The following CEP41 variants were observed in gnomAD, a reference collection of about 807,000 sequenced individuals.
CEP41 encodes the protein centrosomal protein 41.
Under a neutral mutation model 44.3 loss-of-function variants are expected in CEP41, and 32 were observed. The observed-to-expected ratio is 0.72, with a 90% CI of 0.54 to 0.97. The LOEUF (loss-of-function observed/expected upper bound fraction) is 0.97. CEP41 is among the 50% of genes least tolerant of loss of function. The pLI is 0.00. For missense variants in CEP41, 432 were observed against 455.2 expected, an observed-to-expected ratio of 0.95 and a Z score of 0.46; for synonymous variants, 151 against 168.5, an observed-to-expected ratio of 0.90 and a Z score of 0.80.
intron 2 of CEP41, chr7:130,421,366 T>C (rs1361024323): frequency 4.1e-6 from 4 of 985,332 alleles, no homozygotes; most frequent in Non-Finnish European, 4.8e-6. Flanking sequence ...TATGGAGAAG[T>C]TCTCTTGGCT....
intron 5 of CEP41, chr7:130,410,765 T>A: frequency 2.9e-6 from 1 of 344,858 alleles, no homozygotes; most frequent in East Asian, 6.9e-5. Flanking sequence ...CATGCACACA[T>A]GTGACTGTCA....
At chr7:130,437,773 AAAAAAAAAAAAAAAAGAAAAAG>A (rs1450921448) in intron 1 of CEP41, among the ~76,000 whole-genome samples, 7 of 126,718 alleles carry the variant, frequency 5.5e-5, no homozygotes, top group African/African-American at 1.6e-4. Flanking sequence ...TCAAAAAAAA[AAAAAAAAAAAAAAAAGAAAAAG>A]AAAAAAAAAG....
intron 1 of CEP41, among the ~76,000 whole-genome samples, chr7:130,438,241 C>G (rs1464844921): frequency 6.6e-6 from 1 of 152,178 alleles, no homozygotes; most frequent in Admixed American, 6.5e-5. Flanking sequence ...AGTTCAATGG[C>G]CTTAGTTTAG....
At chr7:130,412,437 C>T (rs1797211932) in intron 3 of CEP41, among the ~76,000 whole-genome samples, 197 bp from the exon 4 acceptor site, 1 of 152,190 alleles carries the variant, frequency 6.6e-6, no homozygotes, top group Non-Finnish European at 1.5e-5. Context: ...TTTGCTTTGT[C>T]ATTAGGAAGC....
chr7:130,432,424 T>C (rs1395066657), intron 1 of CEP41, among the ~76,000 whole-genome samples: 4 of 151,184 alleles, frequency 2.6e-5, no homozygotes, highest in African/African-American at 9.7e-5. Flanking sequence ...TCAGTTGGAG[T>C]GTGCTGAGTA....
rs1179823458 is a variant in CEP41, at chr7:130,396,523, C to T, written c.*2368G>A. The T allele has an allele frequency of 2.2e-6, 1 of 454,422 alleles. No individual in the cohort carries two copies. Among genetic ancestry groups the T allele is most frequent in the African/African-American group, 2.0e-5 (1 of 50,006 alleles). 28.1% of individuals were successfully genotyped at this position (454,422 alleles called of 1,614,324 possible). On this transcript the variant is annotated 3_prime_UTR_variant, in exon 11 of 11. Coordinates refer to ENST00000223208, the MANE Select transcript of CEP41 (RefSeq NM_018718.3). Reference sequence around the variant, plus strand: ...TTGGCAGTTTTCAGCATATTAATAGCAAACGACAAATTAGTAACTATGTAC... The same window carrying T: ...TTGGCAGTTTTCAGCATATTAATAGTAAACGACAAATTAGTAACTATGTAC...
At chr7:130,407,289 C>T (rs1273176437) in intron 5 of CEP41, among the ~76,000 whole-genome samples, 1 of 151,594 alleles carries the variant, frequency 6.6e-6, no homozygotes, top group Non-Finnish European at 1.5e-5. Context: ...CACACACACA[C>T]ACACACACTC....
intron 2 of CEP41, chr7:130,421,128 C>T (rs1003551703): frequency 1.0e-6 from 1 of 985,298 alleles, no homozygotes; most frequent in Non-Finnish European, 1.2e-6. Flanking sequence ...CCGACTATAG[C>T]AACAGTGCTG....
intron 2 of CEP41, chr7:130,419,805 T>TA (rs1365121997): frequency 1.5e-5 from 15 of 985,244 alleles, no homozygotes; most frequent in Non-Finnish European, 1.8e-5. Context: ...CCTTGCCACA[T>TA]ACTCGTAAGA....
intron 1 of CEP41, 22 bp downstream of exon 1, chr7:130,440,912 C>T: frequency 6.2e-7 from 1 of 1,610,556 alleles, no homozygotes. Flanking sequence ...CTCCGGCTCT[C>T]CGGCCGAGAC....
At chr7:130,440,240 C>T (rs914547932) in intron 1 of CEP41, among the ~76,000 whole-genome samples, 1 of 152,146 alleles carries the variant, frequency 6.6e-6, no homozygotes, top group East Asian at 1.9e-4. Flanking sequence ...AGGCTGGTCT[C>T]AAACTTCTGA....
At chr7:130,402,960 T>C (rs988917023) in intron 6 of CEP41, among the ~76,000 whole-genome samples, 161 bp from the exon 7 acceptor site, 1 of 152,220 alleles carries the variant, frequency 6.6e-6, no homozygotes, top group Non-Finnish European at 1.5e-5. Context: ...TGCCTCTGAA[T>C]GCAGGATCCT....
chr7:130,397,398 CAG>C lies in CEP41; in HGVS notation c.*1491_*1492del, dbSNP rs1273857652. The C allele has an allele frequency of 6.7e-6, 3 of 450,174 alleles. No individual in the cohort carries two copies. Among genetic ancestry groups the C allele is most frequent in the Non-Finnish European group, 1.3e-5 (3 of 224,626 alleles). The allele number at this position is 450,174 out of a possible 1,614,324, so 27.9% of individuals were successfully genotyped here. ...AGAGAAGAATAAACACACTCTAAAA[CAG>C]AACTGGGCTGAATCTGAAAGTTATT... On this transcript the variant is annotated 3_prime_UTR_variant, in exon 11 of 11. Transcript: ENST00000223208.
upstream of CEP41, chr7:130,441,039 A>G (rs781987752): frequency 6.5e-7 from 1 of 1,533,832 alleles, no homozygotes; most frequent in African/African-American, 1.4e-5. Flanking sequence ...CTACCCCCAC[A>G]ACCTTGTTCA....
At chr7:130,440,056 A>G (rs56271355) in intron 1 of CEP41, among the ~76,000 whole-genome samples, 60,086 of 151,966 alleles carry the variant, frequency 0.4, 12,434 homozygotes, top group East Asian at 0.65. Context: ...AGTCGCTCTT[A>G]TCACCCAGGC....
At chr7:130,419,071 C>T (rs1199779858) in intron 2 of CEP41, 2 of 985,300 alleles carry the variant, frequency 2.0e-6, no homozygotes, top group African/African-American at 3.5e-5. Context: ...ACACTTAACA[C>T]TTTATTTTGT....
chr7:130,439,814 C>T (rs1271013955), intron 1 of CEP41, among the ~76,000 whole-genome samples: 2 of 152,152 alleles, frequency 1.3e-5, no homozygotes, highest in African/African-American at 2.4e-5. Flanking sequence ...TCTGAGTTCA[C>T]ACACTCCTTA....
intron 6 of CEP41, 131 bp from the exon 7 acceptor site, chr7:130,402,930 T>TG: frequency 1.1e-6 from 1 of 924,702 alleles, no homozygotes; most frequent in Non-Finnish European, 1.8e-6. Context: ...CAAAGGAAAA[T>TG]GGACGTGGTG....
At chr7:130,429,420 T>C (rs1442408315) in intron 1 of CEP41, among the ~76,000 whole-genome samples, 3 of 152,224 alleles carry the variant, frequency 2.0e-5, no homozygotes, top group East Asian at 3.9e-4. Flanking sequence ...AGAGTGGCGA[T>C]TGTGAAAGCC....
Sources: allele counts gnomAD v4.1 joint callset (sites outside exome capture counted in the v4.1 genomes callset), GRCh38; gene constraint gnomAD v4.1.1; transcripts MANE v1.5; gene names NCBI Gene and HGNC (gene_info 2026-07-23, HGNC 2026-07-21).